SP140: variants seen among roughly 807,000 people sequenced by gnomAD.
The protein encoded by SP140 is SP140 nuclear body protein.
Under a neutral mutation model 125.0 loss-of-function variants are expected in SP140, and 81 were observed. That is an observed-to-expected ratio of 0.65 (90% confidence interval 0.54 to 0.78). SP140 has a LOEUF of 0.78. SP140 is among the 30% of genes least tolerant of loss of function. The probability of loss-of-function intolerance (pLI) is 0.00; values close to 1 mark genes in which losing one functional copy is unlikely to be tolerated. For synonymous variants in SP140, 312 were observed against 354.0 expected (o/e 0.88, Z 1.33); for missense variants, 858 against 1,037.0 (o/e 0.83, Z 2.37).
At chr2:230,292,356 C>T (rs2057214113) in intron 19 of SP140, among the ~76,000 whole-genome samples, 1 of 152,200 alleles carries the variant, frequency 6.6e-6, no homozygotes, top group Admixed American at 6.5e-5. Context: ...GAATCACTTG[C>T]TTTTCCTTCT....
Position 230,247,972 on chromosome 2 carries a change from G to T in SP140, c.799G>T (p.Glu267Ter), listed in dbSNP as rs1247946518. The part of the protein sequence containing the change: ...AARTYSTAPG[E>*]KQGEEEGRNS... ...AAGGACATACAGCACAGCACCAGGG[G>T]AGAAACAGGGAGAGGAGGAAGGCAG... The change falls in exon 8 of 27, where the codon GAG becomes TAG. Residue 267 changes from glutamate (E) to a stop codon, truncating the protein, a stop_gained. Transcript: ENST00000392045. LOFTEE classifies it high-confidence loss of function. The T allele has an allele frequency of 6.2e-7, 1 of 1,613,848 alleles. No homozygotes were observed. Among genetic ancestry groups the T allele is most frequent in the Admixed American group, 1.7e-5 (1 of 59,984 alleles).
At chr2:230,288,711 C>A (rs1385861030) in intron 18 of SP140, among the ~76,000 whole-genome samples, 1 of 152,004 alleles carries the variant, frequency 6.6e-6, no homozygotes, top group Non-Finnish European at 1.5e-5. Context: ...TGAGTGAGAG[C>A]ATGTGATGTT....
intron 16 of SP140, 40 bp from the exon 17 acceptor site, chr2:230,285,712 G>A (rs754464168): frequency 3.9e-6 from 6 of 1,521,528 alleles, no homozygotes; most frequent in Non-Finnish European, 3.6e-6. Flanking sequence ...CTGTTGTTCT[G>A]CCCAGTTCTA....
At chr2:230,312,079 G>C (rs1453835894) in intron 26 of SP140, among the ~76,000 whole-genome samples, 1 of 152,190 alleles carries the variant, frequency 6.6e-6, no homozygotes, top group African/African-American at 2.4e-5. Flanking sequence ...CTGAATTGTT[G>C]AAAGAACCTA....
intron 12 of SP140, among the ~76,000 whole-genome samples, chr2:230,257,759 C>G (rs1481046094): frequency 6.6e-6 from 1 of 152,062 alleles, no homozygotes; most frequent in Admixed American, 6.5e-5. Context: ...GAGCAAGATT[C>G]CATCTCAGAA....
At chr2:230,244,887 G>GT (rs1004519454) in intron 5 of SP140, 101 bp from the exon 6 acceptor site, 70 of 797,576 alleles carry the variant, frequency 8.8e-5, no homozygotes, top group African/African-American at 6.0e-4. Flanking sequence ...GAGCAATAGT[G>GT]TTTTTTTGCA....
intron 3 of SP140, chr2:230,219,963 G>A: frequency 1.0e-6 from 1 of 985,616 alleles, no homozygotes; most frequent in Non-Finnish European, 1.2e-6. Context: ...GGAGATGCTA[G>A]CAGGCAAAAC....
intron 21 of SP140, among the ~76,000 whole-genome samples, chr2:230,296,582 G>A (rs2057754988): frequency 6.6e-6 from 1 of 152,224 alleles, no homozygotes; most frequent in Non-Finnish European, 1.5e-5. Context: ...AAGAGCTGCA[G>A]CACAGAGGAC....
Position 230,211,532 on chromosome 2 carries a change from G to A in SP140, c.-322-2122G>A. 6.2e-7 allele frequency: 1 copy of A among 1,610,662 alleles called. No individual in the cohort carries two copies. Among genetic ancestry groups the A allele is most frequent in the South Asian group, 1.1e-5 (1 of 90,998 alleles). The stretch of plus-strand genomic sequence containing the variant: ...AGGGTCTTCTTTATCTCTTATTTGG[G>A]GGATCAGGTTGTCACTGGCCACTGA... On this transcript the variant is annotated intron_variant, in intron 1 of 4. Coordinates refer to the SP140 transcript ENST00000456542. The surrounding 1 kb of genome is among the most constrained non-coding windows in gnomAD (Gnocchi z 4.2).
intron 10 of SP140, among the ~76,000 whole-genome samples, chr2:230,252,775 T>C (rs2050565308): frequency 6.7e-6 from 1 of 149,096 alleles, no homozygotes; most frequent in Non-Finnish European, 1.5e-5. Context: ...TGGGCACCAG[T>C]GTCCTGGATG....
chr2:230,275,488 A>T (rs2054579495), intron 15 of SP140, among the ~76,000 whole-genome samples: 1 of 152,140 alleles, frequency 6.6e-6, no homozygotes, highest in Non-Finnish European at 1.5e-5. Context: ...GGCACCACAC[A>T]CTGTGTTCGT....
At chr2:230,239,127 A>C in intron 3 of SP140, 1 of 1,053,484 alleles carries the variant, frequency 9.5e-7, no homozygotes, top group South Asian at 2.4e-5. Flanking sequence ...TGTGAATACT[A>C]TACCTTGATT....
At chr2:230,235,353 TA>T (rs754419393) in intron 1 of SP140, among the ~76,000 whole-genome samples, 2 of 152,322 alleles carry the variant, frequency 1.3e-5, no homozygotes, top group South Asian at 4.1e-4. Context: ...ATACTTAGGT[TA>T]AAATTTCTCA....
rs951367270 is a variant in SP140, at chr2:230,212,258, G to C, written c.-322-1396G>C. ...GTATTGCTCAGTTCTTTTTCCCAGG[G>C]TTCCCACCATAGCCTCTTGGTTGGC... On this transcript the variant is annotated intron_variant, in intron 1 of 4. Transcript: ENST00000456542. 30 of 959,502 alleles carry C rather than the reference G, an allele frequency of 3.1e-5. No homozygotes were observed. In the Middle Eastern group the frequency reaches 7.6e-4, roughly 24 times the overall value. 59.4% of individuals were successfully genotyped at this position (959,502 alleles called of 1,614,324 possible). A position where few individuals can be genotyped will look rare whatever the true frequency, so the allele number is the denominator to read the frequency against.
chr2:230,269,939 C>G lies in SP140; in HGVS notation c.1430C>G (p.Ala477Gly), dbSNP rs201286206. ...GAAGCAAGGACGGAAAGTGATCAAG[C>G]GTGTGGCACAATGGGTAAGGCTGTC... ...SPEARTESDQ[A>G]CGTMDTVDIA... The change falls in exon 14 of 27, where the codon GCG becomes GGG. Residue 477 changes from alanine to glycine, a missense_variant. Coordinates refer to ENST00000392045, the MANE Select transcript of SP140 (RefSeq NM_007237.5). 6 of 1,612,754 alleles carry G rather than the reference C, an allele frequency of 3.7e-6. No individual in the cohort carries two copies. In the Admixed American group the frequency reaches 1.0e-4, roughly 27 times the overall value.
At position 230,247,929 on chromosome 2, in the gene SP140, C is replaced by T. The variant is rs754386576; in HGVS notation, c.756C>T (p.Asn252=). 2.7e-5 allele frequency: 43 copies of T among 1,612,794 alleles called. No individual in the cohort carries two copies. Among genetic ancestry groups the T allele is most frequent in the South Asian group, 5.5e-5 (5 of 90,918 alleles). The change falls in exon 8 of 27, where the codon AAC becomes AAT. Residue 252 remains asparagine (N), a synonymous_variant. Coordinates refer to ENST00000392045, the MANE Select transcript of SP140 (RefSeq NM_007237.5). ...LPYDTEVLES[N]GMIDAARTYS... ...TTTGATCCCTAGTTCTAGAAAGCAA[C>T]GGGATGATAGATGCGGCAAGGACAT...
intron 22 of SP140, among the ~76,000 whole-genome samples, chr2:230,306,774 C>T (rs1453665583): frequency 1.3e-5 from 2 of 152,172 alleles, no homozygotes; most frequent in African/African-American, 4.8e-5. Flanking sequence ...TGGGCTGGGG[C>T]CAGCTCAGCA....
intron 9 of SP140, among the ~76,000 whole-genome samples, chr2:230,249,249 G>A (rs980826584): frequency 6.6e-6 from 1 of 152,180 alleles, no homozygotes; most frequent in African/African-American, 2.4e-5. Flanking sequence ...AAGTGCGTGG[G>A]TGATGTTATT....
intron 23 of SP140, among the ~76,000 whole-genome samples, 200 bp from the exon 24 acceptor site, chr2:230,310,543 T>C (rs950297886): frequency 5.9e-5 from 9 of 152,152 alleles, no homozygotes; most frequent in African/African-American, 2.2e-4. Context: ...TCAGACTTCC[T>C]GCCTGCTGCT....
Sources: gnomAD v4.1 joint callset for allele counts (sites outside exome capture counted in the v4.1 genomes callset) on GRCh38, gnomAD v4.1.1 for gene constraint, Gnocchi (gnomAD v3.1) non-coding constraint, MANE v1.5 for transcripts, NCBI Gene and HGNC (gene_info 2026-07-23, HGNC 2026-07-21) for gene names.